Variants in HOTAIR observed in about 807,000 individuals in gnomAD.
HOTAIR encodes the protein HOX transcript antisense RNA, also known as HOX transcript antisense RNA (non-protein coding).
At chr12:53,964,560 C>T (rs1214504000) in intron 5 of HOTAIR, among the ~76,000 whole-genome samples, 1 of 152,218 alleles carries the variant, frequency 6.6e-6, no homozygotes, top group Non-Finnish European at 1.5e-5. Context: ...ATTCTGTCCC[C>T]TGCACTTCCT....
At chr12:53,970,383 G>T (rs1053375713) in intron 1 of HOTAIR, among the ~76,000 whole-genome samples, 1 of 152,202 alleles carries the variant, frequency 6.6e-6, no homozygotes, top group South Asian at 2.1e-4. Flanking sequence ...CAGCTGAAGC[G>T]TCCAGGTAGC....
chr12:53,972,484 C>A (rs1266473308), intron 1 of HOTAIR, among the ~76,000 whole-genome samples: 3 of 150,870 alleles, frequency 2.0e-5, no homozygotes, highest in Non-Finnish European at 4.5e-5. Context: ...AGGGGCAGCA[C>A]AGCAAGCCAG....
chr12:53,971,484 C>A (rs1214053589), intron 1 of HOTAIR, among the ~76,000 whole-genome samples: 1 of 152,338 alleles, frequency 6.6e-6, no homozygotes, highest in East Asian at 1.9e-4. Context: ...TTTGTGTCCT[C>A]CTTATCTGGT....
At chr12:53,962,886 A>T (rs895547985) in exon 7 of HOTAIR, 3 of 151,998 alleles carry the variant, frequency 2.0e-5, no homozygotes, top group African/African-American at 7.3e-5. Flanking sequence ...CTGCATAATC[A>T]CTCCTGTATG....
rs146084910 is a variant in HOTAIR, at chr12:53,973,298, C to T, written n.59+1600G>A. 2.2e-5 allele frequency: 36 copies of T among 1,613,780 alleles called. No individual in the cohort carries two copies. The African/African-American group carries it at 4.0e-4, about 18-fold the overall frequency. ...GCTCTCCGTCGCGCAAGGAGAGGGG[C>T]GCAGATTTCGGCGAGCGAGGGAGCT... On this transcript the variant is annotated intron_variant and non_coding_transcript_variant, in intron 1 of 6. Coordinates refer to ENST00000424518, the Ensembl canonical transcript of HOTAIR. This position sits in a 1 kb window ranked among gnomAD's most constrained non-coding sequence, Gnocchi z 4.3.
chr12:53,973,580 C>A lies in HOTAIR; in HGVS notation n.59+1318G>T. ...TGCCTCCTTCCACCGTCACCGAGATCCTCATGAAAAACGAAGGCTCCTACG... is the reference window on the plus strand; with the variant it reads ...TGCCTCCTTCCACCGTCACCGAGATACTCATGAAAAACGAAGGCTCCTACG... On this transcript the variant is annotated intron_variant and non_coding_transcript_variant, in intron 1 of 6. Transcript: ENST00000424518. The surrounding 1 kb of genome is among the most constrained non-coding windows in gnomAD (Gnocchi z 4.3). 6.2e-7 allele frequency: 1 copy of A among 1,613,450 alleles called. No homozygotes were observed. Among genetic ancestry groups the A allele is most frequent in the South Asian group, 1.1e-5 (1 of 91,074 alleles).
At chr12:53,972,524 G>A (rs1592195413) in intron 1 of HOTAIR, among the ~76,000 whole-genome samples, 1 of 152,228 alleles carries the variant, frequency 6.6e-6, no homozygotes, top group Non-Finnish European at 1.5e-5. Flanking sequence ...TTGCAGCTGG[G>A]CTGCCTCACC....
At chr12:53,966,367 C>T (rs1939055875) in exon 4 of HOTAIR, 1 of 152,202 alleles carries the variant, frequency 6.6e-6, no homozygotes, top group African/African-American at 2.4e-5. Context: ...CACTGCGAAG[C>T]GGAGCAGGAC....
chr12:53,963,746 C>T (rs1441073401), exon 7 of HOTAIR: 5 of 152,312 alleles, frequency 3.3e-5, no homozygotes, highest in Middle Eastern at 3.4e-3. Flanking sequence ...TTGGTGGGCC[C>T]GGTGTGGGGC....
At chr12:53,974,082 A>C (rs1939203401) in intron 1 of HOTAIR, among the ~76,000 whole-genome samples, 1 of 152,048 alleles carries the variant, frequency 6.6e-6, no homozygotes, top group African/African-American at 2.4e-5. Flanking sequence ...ATTTTATTAT[A>C]ACCTACAAAG....
intron 1 of HOTAIR, among the ~76,000 whole-genome samples, chr12:53,970,037 T>C (rs1278294901): frequency 6.6e-6 from 1 of 152,166 alleles, no homozygotes; most frequent in African/African-American, 2.4e-5. Flanking sequence ...GAGGGAAGGG[T>C]GCTGGAGTCT....
intron 1 of HOTAIR, among the ~76,000 whole-genome samples, chr12:53,971,044 A>G (rs1939138688): frequency 6.6e-6 from 1 of 151,864 alleles, no homozygotes; most frequent in African/African-American, 2.4e-5. Context: ...CCTTCAATAA[A>G]CTCGAGTTTA....
exon 7 of HOTAIR, chr12:53,963,526 G>A (rs1353395309): frequency 6.6e-6 from 1 of 152,244 alleles, no homozygotes; most frequent in African/African-American, 2.4e-5. Context: ...ATGAGTCCAT[G>A]GGTTCCGTGT....
chr12:53,973,318 G>A lies in HOTAIR; in HGVS notation n.59+1580C>T. On this transcript the variant is annotated intron_variant and non_coding_transcript_variant, in intron 1 of 6. Transcript: ENST00000424518. This position sits in a 1 kb window ranked among gnomAD's most constrained non-coding sequence, Gnocchi z 4.3. ...AGGGGCGCAGATTTCGGCGAGCGAG[G>A]GAGCTGCGCCTCCAACCTCTATCTG... 1.2e-6 allele frequency: 2 copies of A among 1,614,028 alleles called. No individual in the cohort carries two copies. The highest frequency in any genetic ancestry group is 1.1e-5 in the South Asian group (1 of 91,070).
chr12:53,973,094 A>C lies in HOTAIR; in HGVS notation n.59+1804T>G, dbSNP rs553000303. The C allele has an allele frequency of 6.4e-6, 4 of 621,592 alleles. No homozygotes were observed. In the African/African-American group the frequency reaches 7.4e-5, roughly 11 times the overall value. 38.5% of individuals were successfully genotyped at this position (621,592 alleles called of 1,614,324 possible). On this transcript the variant is annotated intron_variant and non_coding_transcript_variant, in intron 1 of 6. Coordinates refer to ENST00000424518, the Ensembl canonical transcript of HOTAIR. The surrounding 1 kb of genome is among the most constrained non-coding windows in gnomAD (Gnocchi z 4.3). ...CTCCTACGTCTGCGAAGTGCTCCGA[A>C]CTGATATATGACAATATCTACTTTG... is the stretch of plus-strand genomic sequence containing the variant.
chr12:53,969,740 C>T (rs1219517750), intron 1 of HOTAIR, among the ~76,000 whole-genome samples: 1 of 152,224 alleles, frequency 6.6e-6, no homozygotes, highest in African/African-American at 2.4e-5. Flanking sequence ...ACTCTCTCCG[C>T]TTATCTTTTT....
In HOTAIR at chr12:53,964,290, G is replaced by A. The variant is rs552383007; in HGVS notation, n.552-7C>T. 2.0e-5 allele frequency: 3 copies of A among 152,194 alleles called. 1 individual carries two copies. The highest frequency in any genetic ancestry group is 2.0e-4 in the Admixed American group (3 of 15,298). 9.4% of individuals were successfully genotyped at this position (152,194 alleles called of 1,614,324 possible). On this transcript the variant is annotated splice_region_variant and splice_polypyrimidine_tract_variant and intron_variant and non_coding_transcript_variant, in intron 5 of 6. Coordinates refer to ENST00000424518, the Ensembl canonical transcript of HOTAIR. The stretch of plus-strand genomic sequence containing the variant: ...TCTCTCGCCAATGTGCATACTTAAC[G>A]GAGAGATATTGATATTAAAGGGCAG...
chr12:53,962,635 A>T (rs1938972537), exon 7 of HOTAIR: 1 of 151,590 alleles, frequency 6.6e-6, no homozygotes. Flanking sequence ...TGTTTAAGAC[A>T]CAATTCTCTA....
intron 1 of HOTAIR, among the ~76,000 whole-genome samples, chr12:53,974,135 T>G (rs1473550409): frequency 1.4e-5 from 2 of 146,574 alleles, no homozygotes; most frequent in African/African-American, 2.5e-5. Context: ...GGAGAAGGGG[T>G]GGGGAGGGAG....
Sources: gnomAD v4.1 joint callset for allele counts (sites outside exome capture counted in the v4.1 genomes callset) on GRCh38, gnomAD v4.1.1 for gene constraint, Gnocchi (gnomAD v3.1) non-coding constraint, MANE v1.5 for transcripts, NCBI Gene and HGNC (gene_info 2026-07-23, HGNC 2026-07-21) for gene names.